SAFB2: variants seen among roughly 807,000 people sequenced by gnomAD.
SAFB2 encodes the protein scaffold attachment factor B2.
In SAFB2, 32 loss-of-function variants were observed where a neutral mutation model predicts 100.6. The observed-to-expected ratio is 0.32, with a 90% CI of 0.24 to 0.43. The LOEUF (loss-of-function observed/expected upper bound fraction) is 0.43, where lower values mean the gene tolerates loss of function less well. Among genes scored for constraint, SAFB2 ranks in the 20% least tolerant of loss-of-function variants. SAFB2 has a pLI of 1.00. For synonymous variants in SAFB2, 500 were observed against 439.4 expected, an observed-to-expected ratio of 1.14 and a Z score of -1.72; for missense variants, 1,185 against 1,163.4, an observed-to-expected ratio of 1.02 and a Z score of -0.27.
At chr19:5,598,662 C>T (rs1396468982) in intron 13 of SAFB2, 131 bp downstream of exon 13, 7 of 738,084 alleles carry the variant, frequency 9.5e-6, no homozygotes, top group Middle Eastern at 2.5e-4. Flanking sequence ...CCGCAATCTA[C>T]ACAATTATCG....
In SAFB2 at chr19:5,622,689, G is replaced by T; in HGVS notation, c.27C>A (p.Gly9=). The T allele has an allele frequency of 6.2e-7, 1 of 1,605,796 alleles. No individual in the cohort carries two copies. The change falls in exon 1 of 21, where the codon GGC becomes GGA. Residue 9 remains glycine, a synonymous_variant. Coordinates refer to ENST00000252542, the MANE Select transcript of SAFB2 (RefSeq NM_014649.3). ...GAGAAGCCGTGCCAGGGCCCGAGTC[G>T]CCCGACCCGGGCAGAGTCTCCGCCA... is the stretch of plus-strand genomic sequence containing the variant. MAETLPGS[G]DSGPGTASLG... is the part of the protein sequence containing the mutation.
In SAFB2 at chr19:5,587,633, A is replaced by G; in HGVS notation, c.2705+68T>C. 1.3e-6 allele frequency: 2 copies of G among 1,486,794 alleles called. No homozygotes were observed. Among genetic ancestry groups the G allele is most frequent in the Non-Finnish European group, 9.0e-7 (1 of 1,111,368 alleles). The allele number at this position is 1,486,794 out of a possible 1,614,324, so 92.1% of individuals were successfully genotyped here. On this transcript the variant is annotated intron_variant, in intron 20 of 20. Coordinates refer to ENST00000252542, the MANE Select transcript of SAFB2 (RefSeq NM_014649.3). The surrounding 1 kb of genome is among the most constrained non-coding windows in gnomAD (Gnocchi z 4.9). ...ATCCAACCCAGCCAGCTGATCAAACATGCAAAAAAGGGAGAGGAAGTGAGG... is the reference window on the plus strand; with the variant it reads ...ATCCAACCCAGCCAGCTGATCAAACGTGCAAAAAAGGGAGAGGAAGTGAGG...
chr19:5,622,343 C>G (rs911745245), intron 1 of SAFB2, among the ~76,000 whole-genome samples, 187 bp downstream of exon 1: 4 of 152,158 alleles, frequency 2.6e-5, no homozygotes, highest in African/African-American at 9.7e-5. Context: ...GGAAGGGAGG[C>G]ACAGAGAGGA....
intron 14 of SAFB2, among the ~76,000 whole-genome samples, chr19:5,594,899 A>G (rs1442628156): frequency 6.6e-6 from 1 of 152,150 alleles, no homozygotes; most frequent in East Asian, 1.9e-4. Context: ...CCCAGTCTGC[A>G]GTGCACTGTT....
At chr19:5,615,287 G>A (rs1474222090) in intron 4 of SAFB2, among the ~76,000 whole-genome samples, 1 of 152,176 alleles carries the variant, frequency 6.6e-6, no homozygotes, top group Middle Eastern at 3.4e-3. Flanking sequence ...TCAGGGAGGC[G>A]GAGGTTGCAG....
At chr19:5,593,045 T>C (rs1210308030) in intron 15 of SAFB2, among the ~76,000 whole-genome samples, 158 bp from the exon 16 acceptor site, 1 of 152,210 alleles carries the variant, frequency 6.6e-6, no homozygotes, top group East Asian at 1.9e-4. Context: ...TCATCATTGC[T>C]TTGATCTGAT....
At chr19:5,617,153 C>T (rs1302397118) in intron 2 of SAFB2, among the ~76,000 whole-genome samples, 1 of 152,028 alleles carries the variant, frequency 6.6e-6, no homozygotes, top group Non-Finnish European at 1.5e-5. Flanking sequence ...AAATGCAATA[C>T]CCATCTAGTA....
intron 2 of SAFB2, 110 bp downstream of exon 2, chr19:5,621,199 C>A (rs1014571297): frequency 9.4e-6 from 7 of 748,152 alleles, no homozygotes; most frequent in South Asian, 9.0e-5. Flanking sequence ...AGTGGAGGGA[C>A]ACCGAGTACC....
chr19:5,590,914 C>G (rs1212233114), intron 17 of SAFB2, among the ~76,000 whole-genome samples: 1 of 152,234 alleles, frequency 6.6e-6, no homozygotes, highest in East Asian at 1.9e-4. Context: ...CACCTCTCCA[C>G]CAGGCTGCTG....
At chr19:5,595,547 C>G in intron 13 of SAFB2, 50 bp from the exon 14 acceptor site, 1 of 1,603,074 alleles carries the variant, frequency 6.2e-7, no homozygotes, top group Non-Finnish European at 8.5e-7. Context: ...TTGCAACAAA[C>G]AAACAATGGA....
In SAFB2 at chr19:5,610,505, A is replaced by C. The variant is rs558505277; in HGVS notation, c.1195+134T>G. The C allele has an allele frequency of 7.2e-6, 5 of 697,124 alleles. No homozygotes were observed. The South Asian group carries it at 8.7e-5, about 12-fold the overall frequency. 43.2% of individuals were successfully genotyped at this position (697,124 alleles called of 1,614,324 possible). ...AACTTCTAAAACTAGTCTCTCAAGA[A>C]ACCATTAGGTGGTTGATTCCGGTAA... On this transcript the variant is annotated intron_variant, in intron 8 of 20. Transcript: ENST00000252542.
At chr19:5,594,776 C>A (rs999308285) in intron 14 of SAFB2, among the ~76,000 whole-genome samples, 2 of 152,162 alleles carry the variant, frequency 1.3e-5, no homozygotes, top group Non-Finnish European at 2.9e-5. Context: ...GGGAGGCTGA[C>A]GCAGGAGGAT....
At chr19:5,610,918 A>G in intron 7 of SAFB2, 1 of 726,070 alleles carries the variant, frequency 1.4e-6, no homozygotes, top group South Asian at 2.0e-5. Context: ...ATTTAAGAAC[A>G]CAACCATGGT....
At chr19:5,594,284 T>A (rs553863996) in intron 14 of SAFB2, 106 bp from the exon 15 acceptor site, 16 of 1,346,274 alleles carry the variant, frequency 1.2e-5, no homozygotes, top group Non-Finnish European at 1.4e-5. Flanking sequence ...AAAAAATGGA[T>A]CCAAAAGCTC....
chr19:5,604,554 C>G, intron 11 of SAFB2, 29 bp downstream of exon 11: 1 of 1,582,134 alleles, frequency 6.3e-7, no homozygotes, highest in Non-Finnish European at 8.7e-7. Context: ...CCCAGGGATT[C>G]CAAGAGGAGG....
chr19:5,608,308 TCACAA>T (rs1407895265), intron 9 of SAFB2, among the ~76,000 whole-genome samples: 1 of 152,184 alleles, frequency 6.6e-6, no homozygotes, highest in East Asian at 1.9e-4. Context: ...AATACGCTCA[TCACAA>T]CACATCATAT....
At chr19:5,608,564 A>G (rs2052828719) in intron 9 of SAFB2, among the ~76,000 whole-genome samples, 1 of 152,242 alleles carries the variant, frequency 6.6e-6, no homozygotes, top group African/African-American at 2.4e-5. Context: ...GCAATGAAAC[A>G]TTAACCAACA....
At chr19:5,602,045 G>A (rs1470260877) in intron 11 of SAFB2, among the ~76,000 whole-genome samples, 2 of 152,094 alleles carry the variant, frequency 1.3e-5, no homozygotes, top group African/African-American at 2.4e-5. Flanking sequence ...ATTTCACAAG[G>A]CCAACCACTA....
In SAFB2 at chr19:5,587,607, C is replaced by A; in HGVS notation, c.2705+94G>T. ...GCTGCTTTTTGCTTTGTTTTCATAACATCCAACCCAGCCAGCTGATCAAAC... is the reference window on the plus strand; with the variant it reads ...GCTGCTTTTTGCTTTGTTTTCATAAAATCCAACCCAGCCAGCTGATCAAAC... On this transcript the variant is annotated intron_variant, in intron 20 of 20. Transcript: ENST00000252542. The surrounding 1 kb of genome is among the most constrained non-coding windows in gnomAD (Gnocchi z 4.9). The A allele has an allele frequency of 6.8e-7, 1 of 1,465,670 alleles. No individual in the cohort carries two copies. Among genetic ancestry groups the A allele is most frequent in the Non-Finnish European group, 9.1e-7 (1 of 1,099,358 alleles). The allele number at this position is 1,465,670 out of a possible 1,614,324, so 90.8% of individuals were successfully genotyped here. A position where few individuals can be genotyped will look rare whatever the true frequency, so the allele number is the denominator to read the frequency against.
Sources: allele counts gnomAD v4.1 joint callset (sites outside exome capture counted in the v4.1 genomes callset), GRCh38; gene constraint gnomAD v4.1.1; non-coding constraint Gnocchi (gnomAD v3.1); transcripts MANE v1.5; gene names NCBI Gene and HGNC (gene_info 2026-07-23, HGNC 2026-07-21).